The following PXDNL variants were observed in gnomAD, a reference collection of about 807,000 sequenced individuals.
The protein encoded by PXDNL is peroxidasin like.
PXDNL carries 145 observed loss-of-function variants against 150.8 expected under a neutral mutation model. The observed-to-expected ratio is 0.96, with a 90% confidence interval of 0.84 to 1.10. The LOEUF (loss-of-function observed/expected upper bound fraction) is 1.10, where lower values mean the gene tolerates loss of function less well. Among genes scored for constraint, PXDNL ranks in the 50% least tolerant of loss-of-function variants. The pLI is 0.00. For missense variants in PXDNL, 2,087 were observed against 1,873.9 expected (o/e 1.11, Z -2.10); for synonymous variants, 757 against 725.7 (o/e 1.04, Z -0.69).
chr8:51,610,225 G>T (rs1813970763), intron 2 of PXDNL, among the ~76,000 whole-genome samples: 2 of 152,162 alleles, frequency 1.3e-5, no homozygotes, highest in Non-Finnish European at 2.9e-5. Context: ...CAAGAAGCCT[G>T]TGCCATTTGG....
At chr8:51,473,150 A>T (rs913547053) in intron 7 of PXDNL, among the ~76,000 whole-genome samples, 3 of 151,564 alleles carry the variant, frequency 2.0e-5, no homozygotes, top group Admixed American at 1.3e-4. Flanking sequence ...TGTGTAATTT[A>T]AAAAAAAATT....
At chr8:51,667,436 C>T (rs145127756) in intron 1 of PXDNL, among the ~76,000 whole-genome samples, 10 of 152,334 alleles carry the variant, frequency 6.6e-5, no homozygotes, top group Admixed American at 5.2e-4. Flanking sequence ...TAACTTTACA[C>T]GTGGTGAAAA....
At chr8:51,452,937 C>CACATACACACACACACAA (rs1554541855) in intron 10 of PXDNL, among the ~76,000 whole-genome samples, 22 of 149,862 alleles carry the variant, frequency 1.5e-4, no homozygotes, top group African/African-American at 5.2e-4. Flanking sequence ...CACACACAAA[C>CACATACACACACACACAA]ACACACACAC....
Position 51,757,803 on chromosome 8 carries a change from G to A in PXDNL, c.164+51378C>T, listed in dbSNP as rs1003799343. ...TTAAAAATGTAAGCAGATTGCCTCT[G>A]AATGTCTTTGGTTTTTTTCTGCTGC... On this transcript the variant is annotated intron_variant, in intron 1 of 22. Transcript: ENST00000356297. 7.9e-5 allele frequency among the ~76,000 whole-genome samples: 12 copies of A among 152,266 alleles called. No individual in the cohort carries two copies. In the South Asian group the frequency reaches 2.5e-3, roughly 32 times the overall value.
chr8:51,717,838 G>C (rs1346122780), intron 1 of PXDNL, among the ~76,000 whole-genome samples: 2 of 152,204 alleles, frequency 1.3e-5, no homozygotes, highest in Non-Finnish European at 2.9e-5. Context: ...GTTGGCAAAA[G>C]GGAACGAGAA....
At chr8:51,767,274 C>T (rs189034417) in intron 1 of PXDNL, among the ~76,000 whole-genome samples, 585 of 152,002 alleles carry the variant, frequency 3.8e-3, no homozygotes, top group Middle Eastern at 7.0e-3. Flanking sequence ...CCCCCTCTTT[C>T]TTCTACCCTC....
rs766192702 is a variant in PXDNL, at chr8:51,592,706, A to G, written c.237-8T>C. ...TGGTTGTTGTTCAGCAGACTGAAAA[A>G]GCAAAAACAAACAAATAATTCCCAA... is the stretch of plus-strand genomic sequence containing the variant. On this transcript the variant is annotated splice_region_variant and splice_polypyrimidine_tract_variant and intron_variant, in intron 2 of 22. Transcript: ENST00000356297. 1 of 1,539,878 alleles carries G rather than the reference A, an allele frequency of 6.5e-7. No individual in the cohort carries two copies. The highest frequency in any genetic ancestry group is 1.2e-5 in the South Asian group (1 of 81,922).
chr8:51,499,579 G>T (rs540835632), intron 5 of PXDNL, 120 bp downstream of exon 5: 1 of 706,198 alleles, frequency 1.4e-6, no homozygotes, highest in African/African-American at 1.8e-5. Flanking sequence ...TAGTGCCAAG[G>T]TACAGGCTCT....
intron 4 of PXDNL, among the ~76,000 whole-genome samples, chr8:51,538,643 T>C (rs746631293): frequency 2.2e-4 from 34 of 152,106 alleles, no homozygotes; most frequent in Non-Finnish European, 4.4e-4. Flanking sequence ...GGTGGGCGTC[T>C]GTAATCCCAG....
intron 1 of PXDNL, among the ~76,000 whole-genome samples, chr8:51,701,014 C>T (rs543841354): frequency 6.6e-6 from 1 of 151,810 alleles, no homozygotes; most frequent in Admixed American, 6.6e-5. Flanking sequence ...GAGATGCACA[C>T]ACAGATACAC....
intron 19 of PXDNL, among the ~76,000 whole-genome samples, chr8:51,366,274 G>A (rs1325425510): frequency 6.6e-6 from 1 of 152,170 alleles, no homozygotes; most frequent in African/African-American, 2.4e-5. Flanking sequence ...ATAATCAGTT[G>A]GCCAATCAAA....
At chr8:51,593,662 C>A (rs575130107) in intron 2 of PXDNL, among the ~76,000 whole-genome samples, 3 of 152,200 alleles carry the variant, frequency 2.0e-5, no homozygotes, top group Admixed American at 6.5e-5. Context: ...CCTAGAGATC[C>A]CCAAGCTCAT....
intron 1 of PXDNL, among the ~76,000 whole-genome samples, chr8:51,752,379 T>A (rs2037054014): frequency 6.6e-6 from 1 of 152,144 alleles, no homozygotes; most frequent in South Asian, 2.1e-4. Flanking sequence ...TATCTTCTCA[T>A]GCTTTAAGGC....
At chr8:51,549,950 AAAG>A (rs1283876164) in intron 4 of PXDNL, among the ~76,000 whole-genome samples, 1 of 152,188 alleles carries the variant, frequency 6.6e-6, no homozygotes, top group Non-Finnish European at 1.5e-5. Flanking sequence ...TTAACCAAGA[AAAG>A]AAGGGAGAAG....
At chr8:51,675,580 G>C (rs1377276931) in intron 1 of PXDNL, among the ~76,000 whole-genome samples, 1 of 151,930 alleles carries the variant, frequency 6.6e-6, no homozygotes, top group Non-Finnish European at 1.5e-5. Context: ...GGATCATAAG[G>C]TCAGGAGTTC....
chr8:51,372,320 A>C (rs1245307239), intron 18 of PXDNL, among the ~76,000 whole-genome samples: 1 of 152,370 alleles, frequency 6.6e-6, no homozygotes, highest in Non-Finnish European at 1.5e-5. Context: ...TTCAAAGGAA[A>C]GTTTTCTAAG....
intron 17 of PXDNL, among the ~76,000 whole-genome samples, chr8:51,384,184 T>C (rs1296280805): frequency 2.6e-5 from 4 of 152,146 alleles, no homozygotes; most frequent in Admixed American, 2.6e-4. Flanking sequence ...CAAAATGCCC[T>C]TGTGTACTCT....
intron 4 of PXDNL, among the ~76,000 whole-genome samples, chr8:51,522,863 AAAAC>A (rs1292404106): frequency 6.6e-5 from 10 of 151,098 alleles, no homozygotes; most frequent in African/African-American, 1.5e-4. Flanking sequence ...ACAAAAACAA[AAAAC>A]AAACAAACAA....
intron 1 of PXDNL, among the ~76,000 whole-genome samples, chr8:51,665,069 G>A (rs1007799896): frequency 1.3e-5 from 2 of 152,170 alleles, no homozygotes; most frequent in Non-Finnish European, 2.9e-5. Flanking sequence ...CTGCTCGGGT[G>A]CCTCTTGCTG....
Sources: allele counts gnomAD v4.1 joint callset (sites outside exome capture counted in the v4.1 genomes callset), GRCh38; gene constraint gnomAD v4.1.1; transcripts MANE v1.5; gene names NCBI Gene and HGNC (gene_info 2026-07-23, HGNC 2026-07-21).